The following TTN variants were observed in gnomAD, a reference collection of about 807,000 sequenced individuals.
TTN encodes connectin.
In TTN, 1,525 loss-of-function variants were observed where a neutral mutation model predicts 3,223.0. The ratio of observed to expected loss-of-function variants is 0.47; its 90% CI spans 0.45 to 0.49. The LOEUF (loss-of-function observed/expected upper bound fraction) is 0.49, where lower values mean the gene tolerates loss of function less well. TTN is among the 20% of genes least tolerant of loss of function. TTN has a pLI of 0.00. For synonymous variants in TTN, 14,094 were observed against 15,161.0 expected, an observed-to-expected ratio of 0.93 and a Z score of 5.17; for missense variants, 40,786 against 43,424.0, an observed-to-expected ratio of 0.94 and a Z score of 5.40.
At chr2:178,768,530 G>A (rs776836826) in intron 38 of TTN, 143 bp downstream of exon 38, 26 of 1,236,816 alleles carry the variant, frequency 2.1e-5, no homozygotes, top group South Asian at 8.8e-5. Context: ...GTAGCATATC[G>A]TAGTGCTTCC....
Position 178,586,859 on chromosome 2 carries a change from C to G in TTN, c.64094-52G>C, listed in dbSNP as rs2049101832. 5 of 1,584,098 alleles carry G rather than the reference C, an allele frequency of 3.2e-6. No individual in the cohort carries two copies. The East Asian group carries it at 9.0e-5, about 28-fold the overall frequency. ...TTACCTAGGTAACCTAATCAAATCCCCTTTGTTAATGTACATAAGAGTTTT... is the reference window on the plus strand; with the variant it reads ...TTACCTAGGTAACCTAATCAAATCCGCTTTGTTAATGTACATAAGAGTTTT... On this transcript the variant is annotated intron_variant, in intron 307 of 362. Coordinates refer to ENST00000589042, the MANE Select transcript of TTN (RefSeq NM_001267550.2).
Position 178,631,157 on chromosome 2 carries a change from C to T in TTN, c.43891G>A (p.Ala14631Thr). ...DGKEIKPSKNAVIKADGKKRM... is the reference protein window; with the variant it reads ...DGKEIKPSKNTVIKADGKKRM... The stretch of plus-strand genomic sequence containing the variant: ...TTCTTGCCATCTGCCTTAATAACAG[C>T]ATTTTTGGATGGCTTTATTTCCTTC... The change falls in exon 237 of 363, where the codon GCT becomes ACT. Residue 14631 changes from alanine to threonine, a missense_variant. Ala to Thr is a moderately conservative substitution (Grantham distance 58, BLOSUM62 0). Coordinates refer to ENST00000589042, the MANE Select transcript of TTN (RefSeq NM_001267550.2). 6.2e-7 allele frequency: 1 copy of T among 1,613,334 alleles called. No individual in the cohort carries two copies. Among genetic ancestry groups the T allele is most frequent in the Non-Finnish European group, 8.5e-7 (1 of 1,179,584 alleles).
intron 150 of TTN, 141 bp from the exon 151 acceptor site, chr2:178,674,550 C>T (rs1246804533): frequency 2.3e-6 from 1 of 431,380 alleles, no homozygotes; most frequent in Admixed American, 3.9e-5. Context: ...ACTGGGTCTT[C>T]AAAATATGTT....
In TTN at chr2:178,793,476, T is replaced by C. The variant is rs779783043; in HGVS notation, c.1464A>G (p.Glu488=). ...KVVVAADKAK[E]QELKSRTKEV... Reference sequence around the variant, plus strand: ...CTTTGGTTCTTGATTTTAATTCTTGTTCCTTGGCTTTATCGGCGGCCACTA... The same window carrying C: ...CTTTGGTTCTTGATTTTAATTCTTGCTCCTTGGCTTTATCGGCGGCCACTA... The change falls in exon 9 of 363, where the codon GAA becomes GAG. Residue 488 remains glutamate (E), a synonymous_variant. Transcript: ENST00000589042. 9 of 1,614,052 alleles carry C rather than the reference T, an allele frequency of 5.6e-6. No individual in the cohort carries two copies. Among genetic ancestry groups the C allele is most frequent in the Non-Finnish European group, 7.6e-6 (9 of 1,180,022 alleles).
At chr2:178,558,721 A>T in intron 326 of TTN, 84 bp from the exon 327 acceptor site, 2 of 1,395,848 alleles carry the variant, frequency 1.4e-6, no homozygotes, top group Non-Finnish European at 9.6e-7. Context: ...TCAAAAGAAA[A>T]CTTTTAAATG....
Position 178,611,684 on chromosome 2 carries a change from A to C in TTN, c.50552-7T>G. 2.5e-6 allele frequency: 4 copies of C among 1,612,504 alleles called. No homozygotes were observed. The highest frequency in any genetic ancestry group is 3.3e-4 in the Middle Eastern group (2 of 6,042). ...AGGGGTGGTGAGGGAGGACCTGAGA[A>C]AAGAGTGAAATATTCATATCCACAG... On this transcript the variant is annotated splice_polypyrimidine_tract_variant and splice_region_variant and intron_variant, in intron 268 of 362. Coordinates refer to ENST00000589042, the MANE Select transcript of TTN (RefSeq NM_001267550.2).
chr2:178,671,862 A>G, intron 155 of TTN, 109 bp downstream of exon 155: 1 of 1,187,126 alleles, frequency 8.4e-7, no homozygotes, highest in South Asian at 1.4e-5. Context: ...ACTCATGTTT[A>G]AAGTATTTCA....
In TTN at chr2:178,632,608, G is replaced by A. The variant is rs754698156; in HGVS notation, c.43398C>T (p.Ile14466=). 2 of 1,613,426 alleles carry A rather than the reference G, an allele frequency of 1.2e-6. No individual in the cohort carries two copies. The highest frequency in any genetic ancestry group is 1.7e-6 in the Non-Finnish European group (2 of 1,179,574). ...CTTCATCTTCAAAAGCAGCTGACTT[G>A]ATCACCATTGAATGCTTAGTGCCAT... ...IKDGTKHSMV[I]KSAAFEDEAK... The change falls in exon 235 of 363, where the codon ATC becomes ATT. Residue 14466 remains isoleucine (I), a synonymous_variant. Transcript: ENST00000589042.
Position 178,717,466 on chromosome 2 carries a change from G to A in TTN, c.25351+57C>T, listed in dbSNP as rs562525802. On this transcript the variant is annotated intron_variant, in intron 87 of 362. Transcript: ENST00000589042. ...AGAAACTAAATGGCACCAGCCTTTT[G>A]GTGGCCTGGAGCAGTGAAGCTGCTT... The A allele has an allele frequency of 8.3e-4, 1,298 of 1,560,264 alleles. 8 individuals carry two copies. Among genetic ancestry groups the A allele is most frequent in the East Asian group, 2.9e-3 (128 of 44,340 alleles).
chr2:178,774,575 T>G (rs1004770939), intron 29 of TTN, 102 bp from the exon 30 acceptor site: 2 of 1,064,048 alleles, frequency 1.9e-6, no homozygotes, highest in Non-Finnish European at 1.4e-6. Context: ...TCCCCCATAC[T>G]ATCAGGTGTA....
At position 178,740,693 on chromosome 2, in the gene TTN, A is replaced by G; in HGVS notation, c.12540T>C (p.Asp4180=). Residue 4180 remains aspartate (D), a synonymous_variant, in exon 48 of 363, where the codon GAT becomes GAC. Transcript: ENST00000589042. ...EEPETQAVLS[D]TEKIFPSAMS... ...TGGCACTTGGGAAGATTTTCTCGGT[A>G]TCTGATAGAACTGCCTGTGTCTCAG... 1 of 1,613,868 alleles carries G rather than the reference A, an allele frequency of 6.2e-7. No homozygotes were observed. Among genetic ancestry groups the G allele is most frequent in the Non-Finnish European group, 8.5e-7 (1 of 1,179,800 alleles).
At position 178,575,310 on chromosome 2, in the gene TTN, C is replaced by G. The variant is rs780081686; in HGVS notation, c.70822G>C (p.Val23608Leu). The G allele has an allele frequency of 6.2e-7, 1 of 1,613,398 alleles. No individual in the cohort carries two copies. Among genetic ancestry groups the G allele is most frequent in the Admixed American group, 1.7e-5 (1 of 59,976 alleles). Reference protein sequence around the residue: ...GEEYTFQVMAVNSAGRSAPRE... With the variant: ...GEEYTFQVMALNSAGRSAPRE... ...GGGGCACTTCTCCCCGCGCTGTTCA[C>G]TGCCATCACTTGGAAGGTATATTCC... The change falls in exon 326 of 363, where the codon GTG (valine) becomes CTG (leucine). Residue 23608 changes from valine to leucine, a missense_variant. Coordinates refer to ENST00000589042, the MANE Select transcript of TTN (RefSeq NM_001267550.2). This position sits in a 1 kb window ranked among gnomAD's most constrained non-coding sequence, Gnocchi z 4.0.
At position 178,783,017 on chromosome 2, in the gene TTN, C is replaced by A. The variant is rs1393032636; in HGVS notation, c.2889G>T (p.Glu963Asp). 6.2e-7 allele frequency: 1 copy of A among 1,614,098 alleles called. No individual in the cohort carries two copies. The highest frequency in any genetic ancestry group is 1.7e-5 in the Admixed American group (1 of 60,022). The change falls in exon 18 of 363, where the codon GAG (glutamate) becomes GAT (aspartate). Residue 963 changes from glutamate to aspartate, a missense_variant. Physicochemically the swap from Glu to Asp is conservative, Grantham distance 45 (BLOSUM62 2). Transcript: ENST00000589042. Reference sequence around the variant, plus strand: ...GGGATGGGTATCCAGAGATGTGGCACTCCAAGGTGACAGATTCACCTTCTA... The same window carrying A: ...GGGATGGGTATCCAGAGATGTGGCAATCCAAGGTGACAGATTCACCTTCTA... ...TVIEGESVTL[E>D]CHISGYPSPT...
Position 178,715,693 on chromosome 2 carries a change from C to T in TTN, c.25721G>A (p.Gly8574Asp). The T allele has an allele frequency of 6.2e-7, 1 of 1,610,250 alleles. No homozygotes were observed. The highest frequency in any genetic ancestry group is 8.5e-7 in the Non-Finnish European group (1 of 1,177,966). The change falls in exon 89 of 363, where the codon GGT (glycine) becomes GAT (aspartate). Residue 8574 changes from glycine to aspartate, a missense_variant. Coordinates refer to ENST00000589042, the MANE Select transcript of TTN (RefSeq NM_001267550.2). ...TAAAACTTTGATTTCTGGAGACCCA[C>T]CGATTTTGCATTCATACCTTGTGAA... The part of the protein sequence containing the change: ...DEFTRYECKI[G>D]GSPEIKVLWY...
chr2:178,733,822 A>G lies in TTN; in HGVS notation c.15567T>C (p.Ala5189=). ...AAATGGGCTCTGACCCTCTCACAGC[A>G]GCTTGCAGGGTAACGGTTTGTCCTC... ...ALGGQTVTLQ[A]AVRGSEPISV... Residue 5189 remains alanine, a synonymous_variant, in exon 53 of 363, where the codon GCT becomes GCC. Coordinates refer to ENST00000589042, the MANE Select transcript of TTN (RefSeq NM_001267550.2). The G allele has an allele frequency of 6.2e-7, 1 of 1,613,720 alleles. No homozygotes were observed. Among genetic ancestry groups the G allele is most frequent in the Non-Finnish European group, 8.5e-7 (1 of 1,179,698 alleles).
At position 178,770,647 on chromosome 2, in the gene TTN, G is replaced by A. The variant is rs1471065252; in HGVS notation, c.8145C>T (p.Asn2715=). 2.5e-6 allele frequency: 4 copies of A among 1,613,428 alleles called. No homozygotes were observed. Among genetic ancestry groups the A allele is most frequent in the Non-Finnish European group, 3.4e-6 (4 of 1,179,978 alleles). ...CATCCTGTGTTTCTGTCACTGTGAGGTTCTTCAGAGTCTTCTTAATTTTGA... is the reference window on the plus strand; with the variant it reads ...CATCCTGTGTTTCTGTCACTGTGAGATTCTTCAGAGTCTTCTTAATTTTGA... The part of the protein sequence containing the change: ...EAVKIKKTLK[N]LTVTETQDAV... Residue 2715 remains asparagine, a synonymous_variant, in exon 35 of 363, where the codon AAC becomes AAT. Transcript: ENST00000589042.
In TTN at chr2:178,613,126, C is replaced by G. The variant is rs548095545; in HGVS notation, c.49648+35G>C. On this transcript the variant is annotated intron_variant, in intron 264 of 362. Coordinates refer to ENST00000589042, the MANE Select transcript of TTN (RefSeq NM_001267550.2). ...TTTGTCAAAAAGGAGTTCATATGAA[C>G]TTCGAAATAACCACAAAAATTATAT... 78 of 1,608,758 alleles carry G rather than the reference C, an allele frequency of 4.8e-5. No individual in the cohort carries two copies. In the East Asian group the frequency reaches 1.7e-3, roughly 35 times the overall value.
chr2:178,557,022 G>A lies in TTN; in HGVS notation c.88132C>T (p.Pro29378Ser). The stretch of plus-strand genomic sequence containing the variant: ...CTGGCCTTGGTCCATCTGCCATCTG[G>A]AAGGTCACGTCTCTCAACAATGTAG... ...TGYIVERRDL[P>S]DGRWTKASFT... The change falls in exon 330 of 363, where the codon CCA becomes TCA. Residue 29378 changes from proline (P) to serine (S), a missense_variant. Physicochemically the swap from Pro to Ser is moderately conservative, Grantham distance 74 (BLOSUM62 -1). Coordinates refer to ENST00000589042, the MANE Select transcript of TTN (RefSeq NM_001267550.2). The A allele has an allele frequency of 6.2e-7, 1 of 1,613,778 alleles. No individual in the cohort carries two copies.
At chr2:178,754,882 TACA>T (rs2086512950) in intron 46 of TTN, among the ~76,000 whole-genome samples, 2 of 152,216 alleles carry the variant, frequency 1.3e-5, no homozygotes, top group African/African-American at 4.8e-5. Context: ...GTGTTGCGGA[TACA>T]TTATATGAAT....
Sources: gnomAD v4.1 joint callset for allele counts (sites outside exome capture counted in the v4.1 genomes callset) on GRCh38, gnomAD v4.1.1 for gene constraint, Gnocchi (gnomAD v3.1) non-coding constraint, MANE v1.5 for transcripts, NCBI Gene and HGNC (gene_info 2026-07-23, HGNC 2026-07-21) for gene names.